Variants in KMT2C observed in about 807,000 individuals in gnomAD.
KMT2C encodes the protein lysine methyltransferase 2C.
KMT2C carries 88 observed loss-of-function variants against 507.9 expected under a neutral mutation model. The observed-to-expected ratio is 0.17, with a 90% CI of 0.15 to 0.21. The LOEUF (loss-of-function observed/expected upper bound fraction) is 0.21. KMT2C is among the 10% of genes least tolerant of loss of function. The pLI, the probability that KMT2C is intolerant of heterozygous loss-of-function variation, is 1.00. For missense variants in KMT2C, 4,954 were observed against 5,957.8 expected, an observed-to-expected ratio of 0.83 and a Z score of 5.55; for synonymous variants, 2,049 against 2,080.8, an observed-to-expected ratio of 0.98 and a Z score of 0.42.
Position 152,139,203 on chromosome 7 carries a change from G to A in KMT2C, c.14517C>T (p.Leu4839=). The part of the protein sequence containing the change: ...MDNDHVIDAT[L]TGGPARYINH... ...TGTCTCACCTTGCGGGCCCTCCTGT[G>A]AGCGTCGCGTCAATCACATGGTCGT... Residue 4839 remains leucine, a synonymous_variant, in exon 57 of 59, where the codon CTC becomes CTT. Coordinates refer to ENST00000262189, the MANE Select transcript of KMT2C (RefSeq NM_170606.3). The A allele has an allele frequency of 6.2e-7, 1 of 1,614,030 alleles. No individual in the cohort carries two copies.
At chr7:152,327,929 G>C (rs576182537) in intron 3 of KMT2C, among the ~76,000 whole-genome samples, 1 of 141,570 alleles carries the variant, frequency 7.1e-6, no homozygotes, top group Admixed American at 7.6e-5. Context: ...CTGCATTCCA[G>C]CCTGGGCAAC....
At position 152,148,957 on chromosome 7, in the gene KMT2C, C is replaced by T. The variant is rs1461896945; in HGVS notation, c.12970G>A (p.Glu4324Lys). 2.5e-6 allele frequency: 4 copies of T among 1,605,444 alleles called. No homozygotes were observed. Among genetic ancestry groups the T allele is most frequent in the East Asian group, 4.5e-5 (2 of 44,844 alleles). ...TTCAGCTTGACTGTCACCTTCAGCT[C>T]ATCTGGCTTGGCCTCGACTTGGGCT... ...EAAQVEAKPD[E>K]LKVTVKLKPR... The change falls in exon 52 of 59, where the codon GAG becomes AAG. Residue 4324 changes from glutamate to lysine, a missense_variant. Glu to Lys is a moderately conservative substitution (Grantham distance 56). Transcript: ENST00000262189. This position sits in a 1 kb window ranked among gnomAD's most constrained non-coding sequence, Gnocchi z 7.1.
At chr7:152,226,253 A>C (rs1176409861) in intron 18 of KMT2C, among the ~76,000 whole-genome samples, 2 of 91,182 alleles carry the variant, frequency 2.2e-5, no homozygotes, top group African/African-American at 4.8e-5. Context: ...TTTGAGATGG[A>C]GTCTTGCTCT....
chr7:152,138,850 C>A lies in KMT2C; in HGVS notation c.14589G>T (p.Glu4863Asp). Reference sequence around the variant, plus strand: ...AGCTGATGATAATTTTGTGTCCTCTCTCAAAAGTCACCACTTCAGCCACAC... The same window carrying A: ...AGCTGATGATAATTTTGTGTCCTCTATCAAAAGTCACCACTTCAGCCACAC... ...PNCVAEVVTF[E>D]RGHKIIISSS... Residue 4863 changes from glutamate (E) to aspartate (D), a missense_variant, in exon 58 of 59, where the codon GAG becomes GAT. This residue lies in a region of KMT2C where 133 missense variants were observed against 258.9 expected (regional missense o/e 0.51). Transcript: ENST00000262189. The surrounding 1 kb of genome is among the most constrained non-coding windows in gnomAD (Gnocchi z 4.2). 6.2e-7 allele frequency: 1 copy of A among 1,613,054 alleles called. No individual in the cohort carries two copies. Among genetic ancestry groups the A allele is most frequent in the South Asian group, 1.1e-5 (1 of 90,672 alleles).
rs763207087 is a variant in KMT2C at position 152,248,426 on chromosome 7, A to C, written c.2008T>G (p.Leu670Val). 4.3e-6 allele frequency: 7 copies of C among 1,613,888 alleles called. No individual in the cohort carries two copies. In the African/African-American group the frequency reaches 9.3e-5, roughly 22 times the overall value. Residue 670 changes from leucine (L) to valine (V), a missense_variant, in exon 14 of 59, where the codon TTA (leucine) becomes GTA (valine). Physicochemically the swap from Leu to Val is conservative, Grantham distance 32. Transcript: ENST00000262189. Reference sequence around the variant, plus strand: ...GATACCACTGTTTCAGGTTCCTCTAACAACTGCAGTTGTTCTTGCTGCACA... The same window carrying C: ...GATACCACTGTTTCAGGTTCCTCTACCAACTGCAGTTGTTCTTGCTGCACA... ...ITVQQEQLQL[L>V]EEPETVVSRE...
At chr7:152,216,320 A>T (rs1327316726) in intron 23 of KMT2C, among the ~76,000 whole-genome samples, 2 of 152,202 alleles carry the variant, frequency 1.3e-5, no homozygotes, top group Non-Finnish European at 2.9e-5. Context: ...TGATACACCA[A>T]AGTGATGATG....
At chr7:152,342,623 T>C (rs2097007220) in intron 2 of KMT2C, among the ~76,000 whole-genome samples, 1 of 152,132 alleles carries the variant, frequency 6.6e-6, no homozygotes, top group African/African-American at 2.4e-5. Context: ...TACAAAAACC[T>C]GAACCATAAT....
chr7:152,435,921 G>GAGC lies in KMT2C; in HGVS notation c.-138_-136dup. The GAGC allele has an allele frequency of 1.0e-6, 1 of 964,568 alleles. No individual in the cohort carries two copies. The allele number at this position is 964,568 out of a possible 1,614,324, so 59.8% of individuals were successfully genotyped here. On this transcript the variant is annotated 5_prime_UTR_variant, in exon 1 of 59. Coordinates refer to ENST00000262189, the MANE Select transcript of KMT2C (RefSeq NM_170606.3). ...CCTCTCGCATTTCCCGCAGCCCCGG[G>GAGC]AGCAGCAGCAGGTACCGGGAGAGGC...
chr7:152,347,464 G>C (rs899704237), intron 2 of KMT2C, among the ~76,000 whole-genome samples: 24 of 152,232 alleles, frequency 1.6e-4, no homozygotes, highest in Admixed American at 1.6e-3. Flanking sequence ...TTACTGGAGA[G>C]ATGAACTGCT....
At chr7:152,353,299 C>A (rs527839705) in intron 2 of KMT2C, among the ~76,000 whole-genome samples, 1 of 152,124 alleles carries the variant, frequency 6.6e-6, no homozygotes, top group Admixed American at 6.5e-5. Context: ...GTGGCAGGCA[C>A]CTATAATCCC....
chr7:152,328,475 A>T (rs1166922319), intron 3 of KMT2C, among the ~76,000 whole-genome samples: 1 of 152,228 alleles, frequency 6.6e-6, no homozygotes, highest in Non-Finnish European at 1.5e-5. Flanking sequence ...CAATGTGGTG[A>T]GAGCACAGTG....
intron 1 of KMT2C, among the ~76,000 whole-genome samples, chr7:152,386,465 C>T (rs375171322): frequency 0.025 from 2,785 of 110,512 alleles, no homozygotes; most frequent in South Asian, 0.1. Context: ...TTTACCAAAG[C>T]GTTTCCTTTT....
chr7:152,318,204 C>T (rs1048162147), intron 3 of KMT2C, among the ~76,000 whole-genome samples: 6 of 151,850 alleles, frequency 4.0e-5, no homozygotes, highest in Admixed American at 6.6e-5. Context: ...AAATAGCATA[C>T]GAAATCTTAC....
intron 57 of KMT2C, 108 bp downstream of exon 57, chr7:152,139,078 G>A: frequency 8.9e-7 from 1 of 1,120,234 alleles, no homozygotes; most frequent in Non-Finnish European, 1.3e-6. Flanking sequence ...TGAATGTTTA[G>A]TCACCGCCAG....
At position 152,187,493 on chromosome 7, in the gene KMT2C, A is replaced by C. The variant is rs1168181879; in HGVS notation, c.4794-17T>G. The C allele has an allele frequency of 1.3e-6, 2 of 1,592,128 alleles. No individual in the cohort carries two copies. On this transcript the variant is annotated splice_polypyrimidine_tract_variant and intron_variant, in intron 32 of 58. Transcript: ENST00000262189. ...TTTTTATCCCTGGGAAAAAATAAAT[A>C]TCTTTACTTTATGAACATAAAATAA...
chr7:152,180,001 T>C lies in KMT2C; in HGVS notation c.7275A>G (p.Pro2425=), dbSNP rs2093376955. 3 of 1,614,190 alleles carry C rather than the reference T, an allele frequency of 1.9e-6. No homozygotes were observed. The highest frequency in any genetic ancestry group is 1.3e-5 in the African/African-American group (1 of 75,058). ...PHPGPLQHWQ[P]ENVNQAFTRP... is the part of the protein sequence containing the mutation. Reference sequence around the variant, plus strand: ...TGGTGAAAGCCTGGTTAACATTCTCTGGTTGCCAGTGTTGAAGAGGCCCTG... The same window carrying C: ...TGGTGAAAGCCTGGTTAACATTCTCCGGTTGCCAGTGTTGAAGAGGCCCTG... Residue 2425 remains proline, a synonymous_variant, in exon 37 of 59, where the codon CCA becomes CCG. Transcript: ENST00000262189.
At chr7:152,207,618 T>C (rs1330594915) in intron 23 of KMT2C, among the ~76,000 whole-genome samples, 190 bp from the exon 24 acceptor site, 1 of 152,146 alleles carries the variant, frequency 6.6e-6, no homozygotes, top group Non-Finnish European at 1.5e-5. Context: ...TAGTGCAGTG[T>C]TCCCATGAAA....
intron 6 of KMT2C, among the ~76,000 whole-genome samples, chr7:152,277,975 G>A (rs1231095191): frequency 6.7e-6 from 1 of 148,804 alleles, no homozygotes; most frequent in East Asian, 1.9e-4. Flanking sequence ...ATTTATGTAT[G>A]TGTGTGTGTG....
intron 42 of KMT2C, among the ~76,000 whole-genome samples, chr7:152,164,580 C>T (rs943450424): frequency 1.2e-4 from 18 of 152,150 alleles, no homozygotes; most frequent in Admixed American, 2.6e-4. Flanking sequence ...TGAGCCACTG[C>T]GCCCGGCCTG....
Sources: gnomAD v4.1 joint callset for allele counts (sites outside exome capture counted in the v4.1 genomes callset) on GRCh38, gnomAD v4.1.1 for gene constraint, gnomAD v4.1.1 regional missense constraint, Gnocchi (gnomAD v3.1) non-coding constraint, MANE v1.5 for transcripts, NCBI Gene and HGNC (gene_info 2026-07-23, HGNC 2026-07-21) for gene names.